Variants in CYTH4 observed in about 807,000 individuals in gnomAD.
The protein encoded by CYTH4 is cytohesin-4.
Under a neutral mutation model 57.5 loss-of-function variants are expected in CYTH4, and 22 were observed. That is an observed-to-expected ratio of 0.38 (90% confidence interval 0.27 to 0.55). The LOEUF (loss-of-function observed/expected upper bound fraction) is 0.55. CYTH4 is among the 20% of genes least tolerant of loss of function. The pLI is 0.74. For synonymous variants in CYTH4, 186 were observed against 206.5 expected (o/e 0.90, Z 0.85); for missense variants, 420 against 535.6 (o/e 0.78, Z 2.13).
intron 7 of CYTH4, among the ~76,000 whole-genome samples, chr22:37,302,993 G>C (rs1929238686): frequency 6.6e-6 from 1 of 152,130 alleles, no homozygotes; most frequent in African/African-American, 2.4e-5. Flanking sequence ...GGGAAGGAAG[G>C]GCAGGCCTGG....
In CYTH4 at chr22:37,304,023, C is replaced by G; in HGVS notation, c.696+621C>G. The G allele has an allele frequency of 1.3e-5, 5 of 395,456 alleles. No individual in the cohort carries two copies. The Admixed American group carries it at 1.4e-4, about 11-fold the overall frequency. The allele number at this position is 395,456 out of a possible 1,614,324, so 24.5% of individuals were successfully genotyped here. A position where few individuals can be genotyped will look rare whatever the true frequency, so the allele number is the denominator to read the frequency against. ...GACTGTACACATGTGAATCACAAGG[C>G]TGCATGATTCATGCGGTGCTGGCTG... On this transcript the variant is annotated intron_variant, in intron 8 of 12. Transcript: ENST00000248901.
At position 37,299,325 on chromosome 22, in the gene CYTH4, G is replaced by A. The variant is rs1929096101; in HGVS notation, c.434+19G>A. 1 of 1,612,160 alleles carries A rather than the reference G, an allele frequency of 6.2e-7. No individual in the cohort carries two copies. Among genetic ancestry groups the A allele is most frequent in the East Asian group, 2.2e-5 (1 of 44,850 alleles). On this transcript the variant is annotated intron_variant, in intron 6 of 12. Transcript: ENST00000248901. ...CCCTCAGGTGAGTAGTCCTGGGGCAGGGTCCCGGCCCTCAAGGGTGGCACA... is the reference window on the plus strand; with the variant it reads ...CCCTCAGGTGAGTAGTCCTGGGGCAAGGTCCCGGCCCTCAAGGGTGGCACA...
At chr22:37,296,340 C>T in intron 4 of CYTH4, 3 of 467,468 alleles carry the variant, frequency 6.4e-6, no homozygotes. Context: ...CCACTCTGGG[C>T]CTCCATTTCC....
chr22:37,304,295 T>C (rs759688064), intron 8 of CYTH4: 3 of 456,482 alleles, frequency 6.6e-6, no homozygotes, highest in South Asian at 4.6e-5. Context: ...AGGTGTGGTA[T>C]ATATGCACAG....
Position 37,311,063 on chromosome 22 carries a change from C to T in CYTH4, c.884C>T (p.Thr295Ile), listed in dbSNP as rs1929622480. The change falls in exon 10 of 13, where the codon ACT becomes ATT. Residue 295 changes from threonine to isoleucine, a missense_variant and splice_region_variant. Physicochemically the swap from Thr to Ile is moderately conservative, Grantham distance 89. Transcript: ENST00000248901. The surrounding 1 kb of genome is among the most constrained non-coding windows in gnomAD (Gnocchi z 4.4). ...TGCCTCTACTACTTCGAGTTCACCA[C>T]TGTGAGCAGGGTTCTCCTGGGCCTT... The part of the protein sequence containing the change: ...DNCLYYFEFT[T>I]DKEPRGIIPL... 1.9e-6 allele frequency: 3 copies of T among 1,614,214 alleles called. No individual in the cohort carries two copies. Among genetic ancestry groups the T allele is most frequent in the Non-Finnish European group, 2.5e-6 (3 of 1,180,018 alleles).
chr22:37,299,372 G>A lies in CYTH4; in HGVS notation c.434+66G>A, dbSNP rs549759210. The A allele has an allele frequency of 4.9e-5, 67 of 1,369,038 alleles. No individual in the cohort carries two copies. In the East Asian group the frequency reaches 7.1e-4, roughly 15 times the overall value. 84.8% of individuals were successfully genotyped at this position (1,369,038 alleles called of 1,614,324 possible). On this transcript the variant is annotated intron_variant, in intron 6 of 12. Transcript: ENST00000248901. ...CACAGCCCCAGTGGCTGGGGGTGTCGCGATCCACATAGCTGACAGCACAAA... is the reference window on the plus strand; with the variant it reads ...CACAGCCCCAGTGGCTGGGGGTGTCACGATCCACATAGCTGACAGCACAAA...
rs139475758 is a variant in CYTH4 at position 37,301,440 on chromosome 22, C to T, written c.547+421C>T. 3.5e-3 allele frequency among the ~76,000 whole-genome samples: 527 copies of T among 152,138 alleles called. 5 individuals are homozygous for T. The highest frequency in any genetic ancestry group is 0.012 in the African/African-American group (510 of 41,480). ...GGAACAAAGGCCCAGAAACATGAAA[C>T]AGCCTGGGCAGGGTGTAGGGGGCAA... is the stretch of plus-strand genomic sequence containing the variant. On this transcript the variant is annotated intron_variant, in intron 7 of 12. Coordinates refer to ENST00000248901, the MANE Select transcript of CYTH4 (RefSeq NM_013385.5).
intron 3 of CYTH4, 149 bp downstream of exon 3, chr22:37,294,873 G>A: frequency 1.1e-6 from 1 of 932,868 alleles, no homozygotes; most frequent in Non-Finnish European, 1.7e-6. Flanking sequence ...AACGAGACCG[G>A]AACAGGGTGG....
chr22:37,310,988 G>C lies in CYTH4; in HGVS notation c.809G>C (p.Gly270Ala). The change falls in exon 10 of 13, where the codon GGG (glycine) becomes GCG (alanine). Residue 270 changes from glycine to alanine, a missense_variant and splice_region_variant. Physicochemically the swap from Gly to Ala is moderately conservative, Grantham distance 60 (BLOSUM62 0). Coordinates refer to ENST00000248901, the MANE Select transcript of CYTH4 (RefSeq NM_013385.5). Reference sequence around the variant, plus strand: ...AGCTTGCTACATTGGCCTTGCGCAGGGGGCCGCGTGAAGACGTGGAAACGG... The same window carrying C: ...AGCTTGCTACATTGGCCTTGCGCAGCGGGCCGCGTGAAGACGTGGAAACGG... ...PDREGWLLKLGGRVKTWKRRW... is the reference protein window; with the variant it reads ...PDREGWLLKLAGRVKTWKRRW... 1 of 1,614,176 alleles carries C rather than the reference G, an allele frequency of 6.2e-7. No individual in the cohort carries two copies. The highest frequency in any genetic ancestry group is 8.5e-7 in the Non-Finnish European group (1 of 1,180,022).
intron 2 of CYTH4, 116 bp downstream of exon 2, chr22:37,292,819 C>A: frequency 9.8e-7 from 1 of 1,016,732 alleles, no homozygotes; most frequent in Non-Finnish European, 1.4e-6. Flanking sequence ...AACTCTGGCT[C>A]ATATCAGCCT....
chr22:37,297,506 C>G lies in CYTH4; in HGVS notation c.235-58C>G, dbSNP rs1569107840. ...CCATGGAAGCTCCTTCCTCCCTTCC[C>G]CCTCCCAGGCCTGCTTCCATGCAGC... On this transcript the variant is annotated intron_variant, in intron 4 of 12. Transcript: ENST00000248901. 3 of 1,487,230 alleles carry G rather than the reference C, an allele frequency of 2.0e-6. No individual in the cohort carries two copies. The South Asian group carries it at 3.4e-5, about 17-fold the overall frequency. The allele number at this position is 1,487,230 out of a possible 1,614,324, so 92.1% of individuals were successfully genotyped here. A position where few individuals can be genotyped will look rare whatever the true frequency, so the allele number is the denominator to read the frequency against.
chr22:37,286,533 C>T lies in CYTH4; in HGVS notation c.19+3945C>T, dbSNP rs56363195. Among the ~76,000 whole-genome samples, 1,175 of 151,968 alleles carry T rather than the reference C, an allele frequency of 7.7e-3. 5 individuals carry two copies. Among genetic ancestry groups the T allele is most frequent in the African/African-American group, 0.025 (1,026 of 41,394 alleles). On this transcript the variant is annotated intron_variant, in intron 1 of 12. Coordinates refer to ENST00000248901, the MANE Select transcript of CYTH4 (RefSeq NM_013385.5). The stretch of plus-strand genomic sequence containing the variant: ...TATTGAGCCATGCAGATCCCAGAAA[C>T]GCTGTGGGGAATGGGAAGGGGTGGG...
At chr22:37,306,871 C>T (rs1218836813) in intron 8 of CYTH4, among the ~76,000 whole-genome samples, 2 of 152,248 alleles carry the variant, frequency 1.3e-5, no homozygotes, top group Non-Finnish European at 2.9e-5. Flanking sequence ...TGCTTATTGG[C>T]TGGCTTGGGC....
chr22:37,306,815 T>G (rs758037755), intron 8 of CYTH4, among the ~76,000 whole-genome samples: 1 of 152,226 alleles, frequency 6.6e-6, no homozygotes, highest in African/African-American at 2.4e-5. Flanking sequence ...TCCCGTGCCC[T>G]CACAGTCCTC....
chr22:37,314,606 A>G lies in CYTH4; in HGVS notation c.*1095A>G. ...GATAAAGGGCAGCCCGGCGGGTCCC[A>G]GCATCTCGAGACCCTCTGCAGAAGT... On this transcript the variant is annotated 3_prime_UTR_variant, in exon 13 of 13. Coordinates refer to ENST00000248901, the MANE Select transcript of CYTH4 (RefSeq NM_013385.5). 1.0e-5 allele frequency: 4 copies of G among 394,810 alleles called. No individual in the cohort carries two copies. The allele number at this position is 394,810 out of a possible 1,614,324, so 24.5% of individuals were successfully genotyped here.
chr22:37,309,136 ACAGGC>A (rs912245224), intron 8 of CYTH4, 71 bp from the exon 9 acceptor site: 4 of 1,326,030 alleles, frequency 3.0e-6, no homozygotes, highest in Non-Finnish European at 4.3e-6. Context: ...TCAAGGCCAC[ACAGGC>A]CAGGCCAGGC....
intron 3 of CYTH4, 122 bp downstream of exon 3, chr22:37,294,846 A>G (rs1369422101): frequency 8.5e-7 from 1 of 1,179,246 alleles, no homozygotes; most frequent in Non-Finnish European, 1.2e-6. Flanking sequence ...GGGATTGGCC[A>G]GGGAGAAGGA....
rs1270609053 is a variant in CYTH4 at position 37,298,692 on chromosome 22, G to A, written c.354-534G>A. On this transcript the variant is annotated intron_variant, in intron 5 of 12. Transcript: ENST00000248901. The surrounding 1 kb of genome is among the most constrained non-coding windows in gnomAD (Gnocchi z 4.1). ...TGGGCAAAGGACTGGTCTGAGGGGTGGGCGAGTGGATAGGGGTGAAGCTGG... is the reference window on the plus strand; with the variant it reads ...TGGGCAAAGGACTGGTCTGAGGGGTAGGCGAGTGGATAGGGGTGAAGCTGG... 3.3e-5 allele frequency among the ~76,000 whole-genome samples: 5 copies of A among 152,152 alleles called. No individual in the cohort carries two copies. The highest frequency in any genetic ancestry group is 5.9e-5 in the Non-Finnish European group (4 of 68,030).
chr22:37,290,498 T>TGTTTGTTTTGTTTTG lies in CYTH4; in HGVS notation c.20-2122_20-2108dup. On this transcript the variant is annotated intron_variant, in intron 1 of 12. Coordinates refer to ENST00000248901, the MANE Select transcript of CYTH4 (RefSeq NM_013385.5). The stretch of plus-strand genomic sequence containing the variant: ...CCAGGCAAGGGGTCTTGGGTTTTTT[T>TGTTTGTTTTGTTTTG]GTTTGTTTTGTTTTGTTTTGTTTTG... Among the ~76,000 whole-genome samples, 6 of 152,092 alleles carry TGTTTGTTTTGTTTTG rather than the reference T, an allele frequency of 3.9e-5. No individual in the cohort carries two copies. The Middle Eastern group carries it at 0.02, about 517-fold the overall frequency.
Sources: allele counts gnomAD v4.1 joint callset (sites outside exome capture counted in the v4.1 genomes callset), GRCh38; gene constraint gnomAD v4.1.1; non-coding constraint Gnocchi (gnomAD v3.1); transcripts MANE v1.5; gene names NCBI Gene and HGNC (gene_info 2026-07-23, HGNC 2026-07-21).